Variants in SLC8A1 observed in about 807,000 individuals in gnomAD.
SLC8A1 encodes the protein sodium/calcium exchanger 1.
A neutral mutation model predicts 68.3 loss-of-function variants in SLC8A1; 18 were observed. The ratio of observed to expected loss-of-function variants is 0.26; its 90% confidence interval spans 0.18 to 0.39. The LOEUF is 0.39. SLC8A1 is among the 10% of genes least tolerant of loss of function. SLC8A1 has a pLI of 1.00. For synonymous variants in SLC8A1, 475 were observed against 415.5 expected, an observed-to-expected ratio of 1.14 and a Z score of -1.74; for missense variants, 985 against 1,156.7, an observed-to-expected ratio of 0.85 and a Z score of 2.15.
chr2:40,138,665 T>G (rs1019831033), intron 7 of SLC8A1, among the ~76,000 whole-genome samples: 3 of 152,150 alleles, frequency 2.0e-5, no homozygotes, highest in Non-Finnish European at 4.4e-5. Context: ...TCTTAGGGAT[T>G]TGTATTTCTT....
intron 2 of SLC8A1, among the ~76,000 whole-genome samples, chr2:40,396,068 T>A (rs944632186): frequency 6.6e-6 from 1 of 152,132 alleles, no homozygotes; most frequent in African/African-American, 2.4e-5. Flanking sequence ...AGAAAGATAA[T>A]ACTTCCTGAA....
chr2:40,284,474 GAT>G (rs1338682903), intron 2 of SLC8A1, among the ~76,000 whole-genome samples: 2 of 144,226 alleles, frequency 1.4e-5, no homozygotes, highest in Admixed American at 1.4e-4. Flanking sequence ...TATATCTATA[GAT>G]ATGTATGTAT....
At chr2:40,144,318 C>T (rs933417245) in intron 6 of SLC8A1, among the ~76,000 whole-genome samples, 3 of 152,168 alleles carry the variant, frequency 2.0e-5, no homozygotes, top group African/African-American at 7.2e-5. Context: ...TAAAATAACA[C>T]TGCAAAGTGG....
chr2:40,497,348 C>T (rs1705776229), intron 1 of SLC8A1, among the ~76,000 whole-genome samples: 1 of 151,918 alleles, frequency 6.6e-6, no homozygotes, highest in Admixed American at 6.6e-5. Context: ...TGTGTCAAGT[C>T]CTGAGTATAT....
intron 2 of SLC8A1, among the ~76,000 whole-genome samples, chr2:40,405,015 C>T (rs1358882296): frequency 6.6e-6 from 1 of 152,146 alleles, no homozygotes; most frequent in Admixed American, 6.5e-5. Context: ...CTGTAATTTA[C>T]TGAACCACTG....
At chr2:40,428,731 G>A (rs1469536056) in exon 2 of SLC8A1, 1 of 1,613,844 alleles carries the variant, frequency 6.2e-7, no homozygotes, top group Admixed American at 1.7e-5. Flanking sequence ...GCAAGCAAGT[G>A]TAGAAACATG....
intron 2 of SLC8A1, among the ~76,000 whole-genome samples, chr2:40,249,967 ATCTATT>A (rs1428457812): frequency 6.6e-6 from 1 of 152,116 alleles, no homozygotes; most frequent in Non-Finnish European, 1.5e-5. Flanking sequence ...AAACATCCAA[ATCTATT>A]GGTCTAGGTC....
chr2:40,170,463 C>T (rs939046041), intron 4 of SLC8A1, 114 bp from the exon 7 acceptor site: 56 of 866,680 alleles, frequency 6.5e-5, no homozygotes, highest in Middle Eastern at 2.2e-4. Context: ...TCACAAGCAA[C>T]GTTAGTTTGG....
chr2:40,372,585 TTTTC>T (rs1227983711), intron 2 of SLC8A1, among the ~76,000 whole-genome samples: 3 of 144,642 alleles, frequency 2.1e-5, no homozygotes, highest in Non-Finnish European at 4.8e-5. Flanking sequence ...GGTTGACTTC[TTTTC>T]TTTTTTTCTC....
chr2:40,289,669 G>A (rs553518514), intron 2 of SLC8A1, among the ~76,000 whole-genome samples: 1 of 152,056 alleles, frequency 6.6e-6, no homozygotes, highest in African/African-American at 2.4e-5. Context: ...TGGCCAACAT[G>A]GTGAAACCCT....
chr2:40,353,444 T>C (rs1671725550), intron 2 of SLC8A1, among the ~76,000 whole-genome samples: 1 of 152,082 alleles, frequency 6.6e-6, no homozygotes, highest in South Asian at 2.1e-4. Flanking sequence ...TTTTTCATTA[T>C]GGAAAATGGC....
chr2:40,406,879 AC>A (rs1690532156), intron 2 of SLC8A1, among the ~76,000 whole-genome samples: 1 of 152,192 alleles, frequency 6.6e-6, no homozygotes, highest in South Asian at 2.1e-4. Context: ...CCCCCTATCT[AC>A]GTCACATGCA....
intron 2 of SLC8A1, among the ~76,000 whole-genome samples, chr2:40,316,243 G>C (rs145615170): frequency 1.3e-3 from 197 of 152,078 alleles, no homozygotes; most frequent in Admixed American, 4.0e-3. Context: ...TGTCCTTTGT[G>C]GTTCAAGGAC....
At chr2:40,400,340 G>T (rs1240414540) in intron 2 of SLC8A1, among the ~76,000 whole-genome samples, 1 of 152,074 alleles carries the variant, frequency 6.6e-6, no homozygotes, top group Non-Finnish European at 1.5e-5. Context: ...AGAACCGAAA[G>T]ATGAGGGTAC....
intron 1 of SLC8A1, among the ~76,000 whole-genome samples, chr2:40,489,064 C>T (rs778211050): frequency 9.9e-5 from 15 of 152,118 alleles, no homozygotes; most frequent in Non-Finnish European, 2.2e-4. Context: ...GTGTCGGGAA[C>T]AGCATTAACT....
chr2:40,129,067 A>G (rs2038773619), intron 7 of SLC8A1, among the ~76,000 whole-genome samples: 1 of 152,214 alleles, frequency 6.6e-6, no homozygotes, highest in Non-Finnish European at 1.5e-5. Context: ...GGGTAATGGT[A>G]GCAAGACTCA....
intron 6 of SLC8A1, among the ~76,000 whole-genome samples, chr2:40,158,793 C>A (rs1353290600): frequency 6.6e-6 from 1 of 152,064 alleles, no homozygotes; most frequent in Non-Finnish European, 1.5e-5. Context: ...CCTTAATTAT[C>A]GTAAGATAAC....
chr2:40,266,538 A>C (rs1041013710), intron 2 of SLC8A1, among the ~76,000 whole-genome samples: 4 of 152,170 alleles, frequency 2.6e-5, no homozygotes, highest in African/African-American at 4.8e-5. Flanking sequence ...CTAGAATGTT[A>C]GAGGGCTGTG....
chr2:40,299,831 GA>G (rs2071100963), intron 2 of SLC8A1, among the ~76,000 whole-genome samples: 1 of 152,172 alleles, frequency 6.6e-6, no homozygotes. Context: ...CCAAGGAGCA[GA>G]CCTCTCTCCC....
Sources: allele counts gnomAD v4.1 joint callset (sites outside exome capture counted in the v4.1 genomes callset), GRCh38; gene constraint gnomAD v4.1.1; transcripts MANE v1.5; gene names NCBI Gene and HGNC (gene_info 2026-07-23, HGNC 2026-07-21).